FSD1L: variants seen among roughly 807,000 people sequenced by gnomAD.
FSD1L encodes FSD1-like protein.
In FSD1L, 45 loss-of-function variants were observed where a neutral mutation model predicts 71.6. The observed-to-expected ratio is 0.63, with a 90% confidence interval of 0.49 to 0.81. The LOEUF is 0.81. Ranked by LOEUF, FSD1L falls within the 30% of genes least tolerant of loss-of-function variation. The pLI is 0.00. For missense variants in FSD1L, 561 were observed against 618.1 expected (o/e 0.91, Z 0.98); for synonymous variants, 197 against 207.2 (o/e 0.95, Z 0.42).
intron 8 of FSD1L, among the ~76,000 whole-genome samples, chr9:105,507,003 A>C (rs1276549181): frequency 2.0e-5 from 3 of 152,140 alleles, no homozygotes; most frequent in Admixed American, 2.0e-4. Flanking sequence ...CTTTGTCTTT[A>C]TTACTTTTGG....
chr9:105,499,502 C>T (rs1833636754), intron 7 of FSD1L, among the ~76,000 whole-genome samples: 1 of 151,922 alleles, frequency 6.6e-6, no homozygotes, highest in African/African-American at 2.4e-5. Flanking sequence ...TTTTATTTCT[C>T]CTTCACTACT....
chr9:105,526,592 C>T (rs1226281596), intron 10 of FSD1L, among the ~76,000 whole-genome samples: 1 of 152,218 alleles, frequency 6.6e-6, no homozygotes, highest in Non-Finnish European at 1.5e-5. Flanking sequence ...TAGGGTTAAC[C>T]CTTTCAGGCC....
chr9:105,541,922 A>G (rs1836646745), intron 13 of FSD1L, among the ~76,000 whole-genome samples: 1 of 152,212 alleles, frequency 6.6e-6, no homozygotes, highest in African/African-American at 2.4e-5. Flanking sequence ...GCTGCATTTG[A>G]AATTCATCCA....
intron 5 of FSD1L, chr9:105,472,381 A>G (rs1190141880): frequency 5.5e-6 from 1 of 181,968 alleles, no homozygotes; most frequent in Non-Finnish European, 1.1e-5. Flanking sequence ...TCCTTACTTA[A>G]GGGATATGTT....
chr9:105,471,960 T>C lies in FSD1L; in HGVS notation c.396T>C (p.Phe132=). ...ALENSEELLE[F]ATRSLDIKEP... Reference sequence around the variant, plus strand: ...AGAACTCTGAAGAACTATTAGAATTTGCAACAAGGTCATTAGATATAAAGG... The same window carrying C: ...AGAACTCTGAAGAACTATTAGAATTCGCAACAAGGTCATTAGATATAAAGG... Residue 132 remains phenylalanine, a synonymous_variant, in exon 5 of 14, where the codon TTT becomes TTC. Transcript: ENST00000481272. 1 of 1,438,106 alleles carries C rather than the reference T, an allele frequency of 7.0e-7. No homozygotes were observed. Among genetic ancestry groups the C allele is most frequent in the East Asian group, 3.0e-5 (1 of 33,510 alleles). The allele number at this position is 1,438,106 out of a possible 1,614,324, so 89.1% of individuals were successfully genotyped here.
intron 3 of FSD1L, among the ~76,000 whole-genome samples, chr9:105,467,345 C>T (rs1314367368): frequency 6.6e-6 from 1 of 152,132 alleles, no homozygotes; most frequent in Admixed American, 6.5e-5. Flanking sequence ...AATGATTCAT[C>T]CAAGTTGAAA....
At chr9:105,536,709 C>G (rs1330343378) in intron 12 of FSD1L, among the ~76,000 whole-genome samples, 1 of 152,110 alleles carries the variant, frequency 6.6e-6, no homozygotes, top group African/African-American at 2.4e-5. Flanking sequence ...AGTCTCAGCT[C>G]ACTGCAACCT....
At chr9:105,466,384 A>G (rs1180396702) in intron 3 of FSD1L, among the ~76,000 whole-genome samples, 2 of 152,222 alleles carry the variant, frequency 1.3e-5, no homozygotes, top group African/African-American at 2.4e-5. Context: ...AAAAAATTCT[A>G]AAATGTATAT....
intron 1 of FSD1L, among the ~76,000 whole-genome samples, chr9:105,450,861 A>T (rs142748469): frequency 2.6e-4 from 39 of 152,220 alleles, no homozygotes; most frequent in African/African-American, 9.4e-4. Context: ...AAAACCCACT[A>T]AACAGTGCCT....
intron 1 of FSD1L, among the ~76,000 whole-genome samples, chr9:105,461,255 G>A (rs1830675044): frequency 6.6e-6 from 1 of 152,026 alleles, no homozygotes; most frequent in Admixed American, 6.5e-5. Context: ...CAGGATGGTA[G>A]CTTCTAGCCG....
At chr9:105,537,878 G>A (rs1251395450) in intron 12 of FSD1L, among the ~76,000 whole-genome samples, 1 of 152,210 alleles carries the variant, frequency 6.6e-6, no homozygotes, top group Non-Finnish European at 1.5e-5. Flanking sequence ...CTGGCAACAA[G>A]CATCTGAGCA....
intron 10 of FSD1L, among the ~76,000 whole-genome samples, chr9:105,517,203 G>T (rs1469188233): frequency 6.6e-6 from 1 of 152,214 alleles, no homozygotes; most frequent in South Asian, 2.1e-4. Context: ...CATTTGATTG[G>T]TGTACCTGAA....
chr9:105,462,090 CA>C (rs1303334001), intron 2 of FSD1L, among the ~76,000 whole-genome samples: 4 of 151,622 alleles, frequency 2.6e-5, no homozygotes, highest in African/African-American at 7.3e-5. Context: ...AAACTTAGAC[CA>C]AAAAAATATG....
intron 5 of FSD1L, among the ~76,000 whole-genome samples, chr9:105,478,017 G>C (rs1181509747): frequency 8.5e-5 from 13 of 152,296 alleles, no homozygotes; most frequent in African/African-American, 3.1e-4. Flanking sequence ...GGCTGAGGCA[G>C]GCGGATCACG....
At position 105,521,379 on chromosome 9, in the gene FSD1L, C is replaced by T. The variant is rs1025694670; in HGVS notation, c.1025+8443C>T. 39 of 1,614,168 alleles carry T rather than the reference C, an allele frequency of 2.4e-5. No homozygotes were observed. The East Asian group carries it at 3.8e-4, about 16-fold the overall frequency. ...TTCCAATACAAGCACTCTCACGGAG[C>T]GAGAACCTAGCTCATCTAGTCTCTG... On this transcript the variant is annotated intron_variant, in intron 10 of 13. Transcript: ENST00000481272.
At chr9:105,462,520 A>ATTTT (rs773853934) in intron 2 of FSD1L, among the ~76,000 whole-genome samples, 6 of 104,264 alleles carry the variant, frequency 5.8e-5, no homozygotes, top group African/African-American at 1.5e-4. Flanking sequence ...TGTGACTGAC[A>ATTTT]TTTTTTTTTT....
chr9:105,541,455 G>C (rs1461255476), intron 13 of FSD1L, among the ~76,000 whole-genome samples: 1 of 151,716 alleles, frequency 6.6e-6, no homozygotes, highest in South Asian at 2.1e-4. Flanking sequence ...CTTTTAATTT[G>C]AATCTATCTC....
At chr9:105,523,763 A>C (rs964357051) in intron 10 of FSD1L, 2 of 1,597,572 alleles carry the variant, frequency 1.3e-6, no homozygotes, top group African/African-American at 2.7e-5. Context: ...ATTTTCTAAC[A>C]CATTTCTACA....
intron 10 of FSD1L, among the ~76,000 whole-genome samples, chr9:105,519,155 G>T (rs1834943392): frequency 6.6e-6 from 1 of 152,146 alleles, no homozygotes; most frequent in African/African-American, 2.4e-5. Flanking sequence ...AATTGAGGCA[G>T]TAATTAATAG....
Sources: gnomAD v4.1 joint callset for allele counts (sites outside exome capture counted in the v4.1 genomes callset) on GRCh38, gnomAD v4.1.1 for gene constraint, MANE v1.5 for transcripts, NCBI Gene and HGNC (gene_info 2026-07-23, HGNC 2026-07-21) for gene names.